The following PTCD3 variants were observed in gnomAD, a reference collection of about 807,000 sequenced individuals.
PTCD3 encodes pentatricopeptide repeat domain 3.
In PTCD3, 89 loss-of-function variants were observed where a neutral mutation model predicts 101.9. The ratio of observed to expected loss-of-function variants is 0.87; its 90% CI spans 0.74 to 1.04. PTCD3 has a LOEUF of 1.04. PTCD3 is among the 50% of genes least tolerant of loss of function. PTCD3 has a pLI of 0.00. For missense variants in PTCD3, 870 were observed against 828.2 expected (o/e 1.05, Z -0.62); for synonymous variants, 296 against 278.5 (o/e 1.06, Z -0.63).
intron 12 of PTCD3, 119 bp from the exon 13 acceptor site, chr2:86,127,042 A>G: frequency 1.2e-6 from 1 of 830,468 alleles, no homozygotes; most frequent in South Asian, 2.0e-5. Context: ...AGAGGGATAT[A>G]GTTACTAACC....
intron 16 of PTCD3, among the ~76,000 whole-genome samples, chr2:86,131,358 C>T (rs920351265): frequency 3.3e-5 from 5 of 152,020 alleles, no homozygotes; most frequent in African/African-American, 1.2e-4. Context: ...CTCAGCCTCC[C>T]GAATAGCTGG....
chr2:86,122,934 C>G (rs1674317464), intron 8 of PTCD3, among the ~76,000 whole-genome samples: 1 of 152,124 alleles, frequency 6.6e-6, no homozygotes, highest in Admixed American at 6.5e-5. Context: ...CATCCCAGAC[C>G]TTGGTTTATA....
chr2:86,107,548 T>A (rs761240350), intron 1 of PTCD3, among the ~76,000 whole-genome samples: 3 of 152,246 alleles, frequency 2.0e-5, no homozygotes, highest in African/African-American at 4.8e-5. Flanking sequence ...GTGTGTTGAC[T>A]GTGTTTTTAG....
At chr2:86,112,063 A>G (rs891777158) in intron 4 of PTCD3, 1 of 109,484 alleles carries the variant, frequency 9.1e-6, no homozygotes, top group African/African-American at 3.6e-5. Flanking sequence ...TTTTTTTTTT[A>G]ATTTATTTTT....
chr2:86,121,454 T>C (rs777532502), intron 7 of PTCD3, 25 bp from the exon 8 acceptor site: 65 of 1,444,790 alleles, frequency 4.5e-5, no homozygotes, highest in Non-Finnish European at 5.9e-5. Flanking sequence ...CAAGGTTTCT[T>C]TATCTTTCTG....
chr2:86,123,643 C>A, intron 8 of PTCD3, 58 bp from the exon 9 acceptor site: 1 of 1,305,614 alleles, frequency 7.7e-7, no homozygotes, highest in South Asian at 1.4e-5. Flanking sequence ...AGTAGTCTGA[C>A]TGGGAAATGC....
intron 10 of PTCD3, 56 bp downstream of exon 10, chr2:86,125,138 C>T (rs1674360380): frequency 6.3e-7 from 1 of 1,594,794 alleles, no homozygotes; most frequent in African/African-American, 1.3e-5. Flanking sequence ...GGTGTTTCAG[C>T]CTCAGAACTA....
intron 3 of PTCD3, chr2:86,108,760 G>A (rs1267441104): frequency 1.1e-5 from 5 of 439,952 alleles, no homozygotes; most frequent in African/African-American, 2.0e-5. Flanking sequence ...AATTGAAAGA[G>A]ATTTTGAATT....
At chr2:86,129,899 G>T (rs544936886) in intron 14 of PTCD3, among the ~76,000 whole-genome samples, 1 of 150,658 alleles carries the variant, frequency 6.6e-6, no homozygotes, top group Non-Finnish European at 1.5e-5. Context: ...TGACCTATTA[G>T]TGCTCAGTTC....
rs1295495442 is a variant in PTCD3 at position 86,134,377 on chromosome 2, G to A, written c.1629G>A (p.Glu543=). ...MLMARDKHPP[E]LQVAFADCAA... ...TGGCAAGGGACAAGCACCCACCAGAGGTAGGCCTGAAACTCACCAGCCAGT... is the reference window on the plus strand; with the variant it reads ...TGGCAAGGGACAAGCACCCACCAGAAGTAGGCCTGAAACTCACCAGCCAGT... Residue 543 remains glutamate, a splice_region_variant and synonymous_variant, in exon 20 of 24, where the codon GAG becomes GAA. Transcript: ENST00000254630. 18 of 1,609,030 alleles carry A rather than the reference G, an allele frequency of 1.1e-5. No homozygotes were observed. Among genetic ancestry groups the A allele is most frequent in the Non-Finnish European group, 1.5e-5 (18 of 1,175,614 alleles).
At chr2:86,131,610 A>G (rs1674496166) in intron 16 of PTCD3, among the ~76,000 whole-genome samples, 1 of 152,316 alleles carries the variant, frequency 6.6e-6, no homozygotes, top group South Asian at 2.1e-4. Context: ...AGCTTCCATA[A>G]TATTTCAGAT....
Position 86,140,307 on chromosome 2 carries a change from T to TA in PTCD3, c.*2748_*2749insA, listed in dbSNP as rs1364236746. ...TAGGCTTAGAGGAAAAGATGTCAGA[T>TA]TGTACTGTCACTGGCTATGTACCCA... On this transcript the variant is annotated 3_prime_UTR_variant, in exon 24 of 24. Coordinates refer to ENST00000254630, the MANE Select transcript of PTCD3 (RefSeq NM_017952.6). The TA allele has an allele frequency of 6.6e-6, 1 of 151,858 alleles. No homozygotes were observed. Among genetic ancestry groups the TA allele is most frequent in the Non-Finnish European group, 1.5e-5 (1 of 67,996 alleles). The allele number at this position is 151,858 out of a possible 1,614,324, so 9.4% of individuals were successfully genotyped here.
chr2:86,116,154 C>T (rs972372517), intron 4 of PTCD3, among the ~76,000 whole-genome samples: 4 of 152,162 alleles, frequency 2.6e-5, no homozygotes, highest in South Asian at 2.1e-4. Context: ...TGCCCACACA[C>T]GTTTGCGCAT....
intron 13 of PTCD3, chr2:86,127,530 A>T (rs897258583): frequency 3.8e-6 from 2 of 529,068 alleles, no homozygotes; most frequent in South Asian, 2.8e-5. Flanking sequence ...GGATCTGTTG[A>T]ATCTGAGGAG....
intron 7 of PTCD3, 73 bp downstream of exon 7, chr2:86,119,117 T>G: frequency 6.4e-7 from 1 of 1,556,058 alleles, no homozygotes; most frequent in Non-Finnish European, 8.7e-7. Context: ...GATTCATATA[T>G]TTTGAGTAAG....
At chr2:86,113,573 AGGCGGGTGGATCCTGTGAGCTCGG>A (rs1674126760) in intron 4 of PTCD3, among the ~76,000 whole-genome samples, 1 of 152,210 alleles carries the variant, frequency 6.6e-6, no homozygotes, top group African/African-American at 2.4e-5. Context: ...TGGGAGGTCA[AGGCGGGTGGATCCTGTGAGCTCGG>A]GACTTTGAGA....
intron 4 of PTCD3, among the ~76,000 whole-genome samples, chr2:86,114,512 A>C (rs1477721333): frequency 6.6e-6 from 1 of 152,200 alleles, no homozygotes; most frequent in African/African-American, 2.4e-5. Context: ...ATGGGGGTAA[A>C]GGAATTCTAA....
intron 1 of PTCD3, among the ~76,000 whole-genome samples, chr2:86,106,900 A>G (rs1421411864): frequency 6.6e-6 from 1 of 152,196 alleles, no homozygotes; most frequent in Non-Finnish European, 1.5e-5. Context: ...CACTCAGTAC[A>G]AACAGTGGCA....
chr2:86,107,581 A>G (rs1015698209), intron 1 of PTCD3, among the ~76,000 whole-genome samples: 8 of 152,232 alleles, frequency 5.3e-5, no homozygotes, highest in Non-Finnish European at 7.3e-5. Flanking sequence ...ACTTAAACAG[A>G]ACACTTAAAA....
Sources: allele counts gnomAD v4.1 joint callset (sites outside exome capture counted in the v4.1 genomes callset), GRCh38; gene constraint gnomAD v4.1.1; transcripts MANE v1.5; gene names NCBI Gene and HGNC (gene_info 2026-07-23, HGNC 2026-07-21).